The following SNX29 variants were observed in gnomAD, a reference collection of about 807,000 sequenced individuals.
SNX29 encodes sorting nexin-29.
In SNX29, 78 loss-of-function variants were observed where a neutral mutation model predicts 102.1. The observed-to-expected ratio is 0.76, with a 90% CI of 0.64 to 0.92. The LOEUF is 0.92. Ranked by LOEUF, SNX29 falls within the 40% of genes least tolerant of loss-of-function variation. The pLI is 0.00. For synonymous variants in SNX29, 580 were observed against 414.5 expected (o/e 1.40, Z -4.85); for missense variants, 1,280 against 1,061.7 (o/e 1.21, Z -2.86).
At chr16:12,357,359 C>T (rs2082164653) in intron 16 of SNX29, among the ~76,000 whole-genome samples, 1 of 152,150 alleles carries the variant, frequency 6.6e-6, no homozygotes. Flanking sequence ...AATACAATAT[C>T]CTTATCACCC....
intron 15 of SNX29, among the ~76,000 whole-genome samples, chr16:12,348,692 G>C (rs948016842): frequency 1.3e-5 from 2 of 152,208 alleles, no homozygotes; most frequent in African/African-American, 4.8e-5. Flanking sequence ...TATGCTGAGA[G>C]GGAGGAGAGA....
Position 12,356,199 on chromosome 16 carries a change from G to A in SNX29, c.1819G>A (p.Glu607Lys), listed in dbSNP as rs752047319. 6 of 1,613,194 alleles carry A rather than the reference G, an allele frequency of 3.7e-6. No individual in the cohort carries two copies. Among genetic ancestry groups the A allele is most frequent in the African/African-American group, 2.7e-5 (2 of 74,910 alleles). The change falls in exon 16 of 21, where the codon GAG (glutamate) becomes AAG (lysine). Residue 607 changes from glutamate (E) to lysine (K), a missense_variant. Glu to Lys is a moderately conservative substitution (Grantham distance 56). Transcript: ENST00000566228. ...EMHGELIEFN[E>K]RLHRALVAKE... ...GCATGGCGAGCTGATTGAGTTCAAC[G>A]AGCGCCTGCACAGGGCCCTGGTAGC...
At chr16:12,054,189 A>G in intron 8 of SNX29, among the ~76,000 whole-genome samples, 1 of 152,164 alleles carries the variant, frequency 6.6e-6, no homozygotes, top group Non-Finnish European at 1.5e-5. Context: ...GATGGTCTCA[A>G]ACTCCTGATC....
At chr16:12,461,968 AAAAAAAAAAAATATATAT>A (rs1335116520) in intron 18 of SNX29, among the ~76,000 whole-genome samples, 3 of 68,538 alleles carry the variant, frequency 4.4e-5, no homozygotes, top group African/African-American at 2.2e-4. Context: ...AAAAAAAAAA[AAAAAAAAAAAATATATAT>A]ATATATATAT....
intron 15 of SNX29, among the ~76,000 whole-genome samples, chr16:12,294,946 C>T (rs2079929173): frequency 6.6e-6 from 1 of 151,992 alleles, no homozygotes; most frequent in South Asian, 2.1e-4. Context: ...GGGGAGGCCT[C>T]ACAATCATGG....
chr16:12,558,232 C>CT (rs1022933600), intron 20 of SNX29, among the ~76,000 whole-genome samples: 11 of 18,652 alleles, frequency 5.9e-4, no homozygotes, highest in Non-Finnish European at 2.7e-3. Flanking sequence ...CTCTCTTCAG[C>CT]CCCCCCAGTA....
At chr16:12,468,169 C>CT (rs59089512) in intron 18 of SNX29, among the ~76,000 whole-genome samples, 4,995 of 92,598 alleles carry the variant, frequency 0.054, 537 homozygotes, top group Non-Finnish European at 0.077. Flanking sequence ...ACTCTGACTC[C>CT]TTTTTTTTTT....
chr16:12,541,713 TTCCTGTC>T (rs2077350544), intron 20 of SNX29, among the ~76,000 whole-genome samples: 1 of 152,116 alleles, frequency 6.6e-6, no homozygotes, highest in Non-Finnish European at 1.5e-5. Context: ...GGGTTCCTGA[TTCCTGTC>T]ACCTCCTGTC....
At chr16:12,423,414 ATCAC>A (rs1234797020) in intron 18 of SNX29, among the ~76,000 whole-genome samples, 3 of 152,148 alleles carry the variant, frequency 2.0e-5, no homozygotes, top group African/African-American at 7.2e-5. Context: ...TGCAGCCGGC[ATCAC>A]TCAGCTCAGA....
chr16:12,293,678 T>C (rs1008446781), intron 15 of SNX29, among the ~76,000 whole-genome samples: 6 of 152,226 alleles, frequency 3.9e-5, no homozygotes, highest in African/African-American at 1.2e-4. Context: ...AGAAAGAACA[T>C]ATTGAACATT....
rs3859033 is a variant in SNX29, at chr16:12,551,796, A to T, written c.2319-16710A>T. Among the ~76,000 whole-genome samples, 410 of 151,918 alleles carry T rather than the reference A, an allele frequency of 2.7e-3. 1 individual carries two copies. Among genetic ancestry groups the T allele is most frequent in the Non-Finnish European group, 4.2e-3 (287 of 67,976 alleles). On this transcript the variant is annotated intron_variant, in intron 20 of 20. Coordinates refer to ENST00000566228, the MANE Select transcript of SNX29 (RefSeq NM_032167.5). The stretch of plus-strand genomic sequence containing the variant: ...GGGCCCGCTTCAGAAGCACATGGGC[A>T]TCAAACTTCTGTATCCCCGCCTCAG...
chr16:12,189,761 T>G (rs2076597094), intron 13 of SNX29, among the ~76,000 whole-genome samples: 1 of 152,072 alleles, frequency 6.6e-6, no homozygotes, highest in African/African-American at 2.4e-5. Flanking sequence ...ACTATCACTG[T>G]TTTGATGCCC....
At chr16:12,011,269 T>A (rs1406209811) in intron 3 of SNX29, among the ~76,000 whole-genome samples, 3 of 151,638 alleles carry the variant, frequency 2.0e-5, no homozygotes, top group Admixed American at 2.0e-4. Context: ...CTAAGCCCAT[T>A]TTTATATCTG....
chr16:12,556,884 C>A (rs377630747), intron 20 of SNX29, among the ~76,000 whole-genome samples: 1,767 of 151,930 alleles, frequency 0.012, 30 homozygotes, highest in African/African-American at 0.041. Context: ...ATAGGGTCTC[C>A]GTCTGTCTCC....
chr16:12,035,226 A>G (rs1160757528), intron 4 of SNX29, among the ~76,000 whole-genome samples: 1 of 147,692 alleles, frequency 6.8e-6, no homozygotes, highest in South Asian at 2.1e-4. Flanking sequence ...TTTTTTTTTA[A>G]ATAAGAGACA....
chr16:12,387,300 A>G (rs1340143312), intron 16 of SNX29, among the ~76,000 whole-genome samples: 2 of 152,044 alleles, frequency 1.3e-5, no homozygotes, highest in Non-Finnish European at 2.9e-5. Flanking sequence ...AGAGGCCGAG[A>G]GAGAAGGCTA....
At chr16:12,144,762 C>T (rs941400525) in intron 13 of SNX29, among the ~76,000 whole-genome samples, 2 of 152,230 alleles carry the variant, frequency 1.3e-5, no homozygotes, top group Non-Finnish European at 2.9e-5. Flanking sequence ...CGCTGTGTTA[C>T]CCAGGCTGGA....
At chr16:12,204,972 G>C (rs917668471) in intron 14 of SNX29, among the ~76,000 whole-genome samples, 4 of 152,230 alleles carry the variant, frequency 2.6e-5, no homozygotes, top group African/African-American at 4.8e-5. Flanking sequence ...TGGGGTGTCA[G>C]TTTCCCTGGG....
intron 13 of SNX29, chr16:12,135,545 T>C: frequency 7.6e-7 from 1 of 1,324,460 alleles, no homozygotes; most frequent in Non-Finnish European, 9.9e-7. Flanking sequence ...GCTATTTTGT[T>C]GGCAGCTATC....
Sources: gnomAD v4.1 joint callset for allele counts (sites outside exome capture counted in the v4.1 genomes callset) on GRCh38, gnomAD v4.1.1 for gene constraint, MANE v1.5 for transcripts, NCBI Gene and HGNC (gene_info 2026-07-23, HGNC 2026-07-21) for gene names.